The following TNR variants were observed in gnomAD, a reference collection of about 807,000 sequenced individuals.
TNR encodes the protein tenascin-R.
A neutral mutation model predicts 150.4 loss-of-function variants in TNR; 45 were observed. That is an observed-to-expected ratio of 0.30 (90% confidence interval 0.24 to 0.38). The LOEUF (loss-of-function observed/expected upper bound fraction) is 0.38. Ranked by LOEUF, TNR falls within the 10% of genes least tolerant of loss-of-function variation. The probability of loss-of-function intolerance (pLI) is 1.00; values close to 1 mark genes in which losing one functional copy is unlikely to be tolerated. For synonymous variants in TNR, 687 were observed against 678.4 expected, an observed-to-expected ratio of 1.01 and a Z score of -0.20; for missense variants, 1,544 against 1,759.1, an observed-to-expected ratio of 0.88 and a Z score of 2.19.
chr1:175,695,294 G>A (rs945487660), intron 1 of TNR, among the ~76,000 whole-genome samples: 1 of 152,196 alleles, frequency 6.6e-6, no homozygotes, highest in Non-Finnish European at 1.5e-5. Flanking sequence ...CCACAGCCGT[G>A]TAAGTGAGAG....
At chr1:175,498,883 C>T (rs927175202) in intron 2 of TNR, among the ~76,000 whole-genome samples, 5 of 152,168 alleles carry the variant, frequency 3.3e-5, no homozygotes, top group African/African-American at 1.2e-4. Context: ...GCTATGTTAA[C>T]GTGGTTGTAG....
chr1:175,645,555 A>G (rs1431345851), intron 1 of TNR, among the ~76,000 whole-genome samples: 2 of 152,240 alleles, frequency 1.3e-5, no homozygotes, highest in Non-Finnish European at 2.9e-5. Context: ...AATATCTTCC[A>G]CAACAGTTTT....
At chr1:175,493,471 C>T (rs1259587209) in intron 2 of TNR, among the ~76,000 whole-genome samples, 2 of 152,202 alleles carry the variant, frequency 1.3e-5, no homozygotes, top group Non-Finnish European at 2.9e-5. Context: ...GCCTCTCTGG[C>T]CCTTGATGTG....
chr1:175,622,226 C>CA (rs1337239478), intron 1 of TNR, among the ~76,000 whole-genome samples: 12 of 152,112 alleles, frequency 7.9e-5, no homozygotes, highest in Non-Finnish European at 4.4e-5. Flanking sequence ...GCACTGTAGG[C>CA]AAAAAAGCCT....
At chr1:175,645,612 G>A (rs78230974) in intron 1 of TNR, among the ~76,000 whole-genome samples, 4,954 of 152,262 alleles carry the variant, frequency 0.033, 176 homozygotes, top group African/African-American at 0.085. Context: ...TCTTAAAATG[G>A]CCTTCCATAA....
intron 2 of TNR, among the ~76,000 whole-genome samples, chr1:175,422,481 A>T (rs889073514): frequency 6.6e-6 from 1 of 152,032 alleles, no homozygotes; most frequent in Non-Finnish European, 1.5e-5. Flanking sequence ...AGCTTCTGGA[A>T]TTTTTCTCTC....
intron 2 of TNR, among the ~76,000 whole-genome samples, chr1:175,445,355 G>A (rs1236539700): frequency 6.6e-6 from 1 of 152,214 alleles, no homozygotes; most frequent in African/African-American, 2.4e-5. Flanking sequence ...AGCCTTGTAA[G>A]CCAAACAAAG....
intron 2 of TNR, among the ~76,000 whole-genome samples, chr1:175,418,826 A>G (rs1654625665): frequency 6.6e-6 from 1 of 152,138 alleles, no homozygotes; most frequent in Non-Finnish European, 1.5e-5. Context: ...GATTGTATTC[A>G]GGGATGAAGT....
chr1:175,616,452 T>C (rs572688479), intron 1 of TNR, among the ~76,000 whole-genome samples: 9 of 152,264 alleles, frequency 5.9e-5, no homozygotes, highest in African/African-American at 2.2e-4. Context: ...GATCCAGACA[T>C]GTGAAAGTGG....
At chr1:175,381,952 ACCTTTGCACTGGCTTCTG>A (rs1174366381) in intron 8 of TNR, among the ~76,000 whole-genome samples, 1 of 152,102 alleles carries the variant, frequency 6.6e-6, no homozygotes, top group Non-Finnish European at 1.5e-5. Flanking sequence ...ATACCTCAGG[ACCTTTGCACTGGCTTCTG>A]CCTTTGCCTG....
intron 2 of TNR, among the ~76,000 whole-genome samples, chr1:175,468,726 A>G (rs1338716624): frequency 2.0e-5 from 3 of 152,166 alleles, no homozygotes; most frequent in African/African-American, 7.2e-5. Context: ...GAGCATCAGC[A>G]TGGTGTGTTT....
intron 1 of TNR, among the ~76,000 whole-genome samples, chr1:175,566,943 C>A (rs1316343406): frequency 6.6e-6 from 1 of 152,248 alleles, no homozygotes; most frequent in East Asian, 1.9e-4. Flanking sequence ...ACTGTCCCTA[C>A]TGAAATGTGG....
At position 175,416,845 on chromosome 1, in the gene TNR, A is replaced by G. The variant is rs1654482011; in HGVS notation, c.-63-10068T>C. ...AACACCGGGAAACCCCGTCTCTACTAAAAATACAAAAAATTAGCCAGGCGT... is the reference window on the plus strand; with the variant it reads ...AACACCGGGAAACCCCGTCTCTACTGAAAATACAAAAAATTAGCCAGGCGT... On this transcript the variant is annotated intron_variant, in intron 2 of 22. Transcript: ENST00000367674. 2.0e-5 allele frequency among the ~76,000 whole-genome samples: 3 copies of G among 152,068 alleles called. No individual in the cohort carries two copies. The South Asian group carries it at 6.2e-4, about 32-fold the overall frequency.
intron 20 of TNR, chr1:175,330,577 T>C (rs1571296848): frequency 5.1e-6 from 1 of 194,866 alleles, no homozygotes; most frequent in East Asian, 1.2e-4. Flanking sequence ...TAGAAGAAAA[T>C]TACAAGAGGT....
At chr1:175,383,281 A>G (rs772946073) in intron 8 of TNR, among the ~76,000 whole-genome samples, 1 of 152,228 alleles carries the variant, frequency 6.6e-6, no homozygotes, top group Non-Finnish European at 1.5e-5. Context: ...CGTCTTTTTA[A>G]GGAGCACAAT....
intron 18 of TNR, among the ~76,000 whole-genome samples, chr1:175,348,110 A>G (rs1650886302): frequency 6.6e-6 from 1 of 152,212 alleles, no homozygotes; most frequent in Admixed American, 6.5e-5. Context: ...CTACATTGGT[A>G]ATAACCAACT....
At chr1:175,731,880 C>T (rs1667649926) in intron 1 of TNR, among the ~76,000 whole-genome samples, 1 of 152,236 alleles carries the variant, frequency 6.6e-6, no homozygotes, top group Non-Finnish European at 1.5e-5. Flanking sequence ...GCCCAGACCC[C>T]AGTGCATCTC....
intron 1 of TNR, among the ~76,000 whole-genome samples, chr1:175,643,804 G>A (rs562610082): frequency 1.3e-5 from 2 of 152,312 alleles, no homozygotes; most frequent in South Asian, 4.1e-4. Flanking sequence ...ACAGATGGTT[G>A]TGGGATGTGA....
intron 19 of TNR, among the ~76,000 whole-genome samples, chr1:175,336,862 G>T (rs1479792062): frequency 1.3e-5 from 2 of 152,208 alleles, no homozygotes; most frequent in Admixed American, 1.3e-4. Flanking sequence ...TCCTCATAGA[G>T]AAATAGTTTT....
Sources: gnomAD v4.1 joint callset for allele counts (sites outside exome capture counted in the v4.1 genomes callset) on GRCh38, gnomAD v4.1.1 for gene constraint, MANE v1.5 for transcripts, NCBI Gene and HGNC (gene_info 2026-07-23, HGNC 2026-07-21) for gene names.